LDLRAD4: variants seen among roughly 807,000 people sequenced by gnomAD.
LDLRAD4 encodes the protein low-density lipoprotein receptor class A domain-containing protein 4.
Under a neutral mutation model 17.0 loss-of-function variants are expected in LDLRAD4, and 5 were observed. The ratio of observed to expected loss-of-function variants is 0.29; its 90% CI spans 0.15 to 0.62. The LOEUF (loss-of-function observed/expected upper bound fraction) is 0.62. Among genes scored for constraint, LDLRAD4 ranks in the 20% least tolerant of loss-of-function variants. The pLI, the probability that LDLRAD4 is intolerant of heterozygous loss-of-function variation, is 0.84. For synonymous variants in LDLRAD4, 168 were observed against 171.8 expected (o/e 0.98, Z 0.17); for missense variants, 340 against 424.7 (o/e 0.80, Z 1.75).
At chr18:13,504,519 G>A (rs57535100) in intron 3 of LDLRAD4, among the ~76,000 whole-genome samples, 4,617 of 152,192 alleles carry the variant, frequency 0.03, 223 homozygotes, top group African/African-American at 0.1. Flanking sequence ...CCTCTGCGTC[G>A]GGGGTTCAAG....
chr18:13,540,614 T>C (rs969070998), intron 3 of LDLRAD4, among the ~76,000 whole-genome samples: 1 of 152,176 alleles, frequency 6.6e-6, no homozygotes, highest in African/African-American at 2.4e-5. Context: ...AGTGGTTATT[T>C]ATTAGTCTGC....
intron 1 of LDLRAD4, among the ~76,000 whole-genome samples, chr18:13,284,081 T>C (rs1469281507): frequency 1.3e-5 from 2 of 152,138 alleles, no homozygotes; most frequent in African/African-American, 4.8e-5. Context: ...CAATTCAAGT[T>C]GAGATTTGGG....
chr18:13,633,685 G>A (rs1341783633), intron 4 of LDLRAD4, among the ~76,000 whole-genome samples: 2 of 152,224 alleles, frequency 1.3e-5, no homozygotes, highest in African/African-American at 4.8e-5. Flanking sequence ...CTCCAAAATT[G>A]GAGCAGGCAG....
intron 1 of LDLRAD4, among the ~76,000 whole-genome samples, chr18:13,323,007 T>A (rs1012193588): frequency 4.6e-5 from 7 of 152,192 alleles, no homozygotes; most frequent in Non-Finnish European, 8.8e-5. Context: ...TTTGACTCAA[T>A]TTTCTTTTTC....
chr18:13,594,570 G>A (rs1357307120), intron 3 of LDLRAD4, among the ~76,000 whole-genome samples: 1 of 148,696 alleles, frequency 6.7e-6, no homozygotes, highest in Non-Finnish European at 1.5e-5. Flanking sequence ...GGTGGCTGAG[G>A]CACAAGAGTC....
At chr18:13,413,049 A>G (rs1419251041) in intron 2 of LDLRAD4, among the ~76,000 whole-genome samples, 1 of 152,190 alleles carries the variant, frequency 6.6e-6, no homozygotes, top group Non-Finnish European at 1.5e-5. Flanking sequence ...TGCAGGCAAC[A>G]GCCACCACCA....
At chr18:13,632,383 A>G (rs2148898652) in intron 4 of LDLRAD4, among the ~76,000 whole-genome samples, 1 of 152,378 alleles carries the variant, frequency 6.6e-6, no homozygotes, top group East Asian at 1.9e-4. Flanking sequence ...CACTGTGCAC[A>G]GCCAGGTGCG....
At chr18:13,565,974 G>T (rs571384816) in intron 3 of LDLRAD4, among the ~76,000 whole-genome samples, 1 of 152,174 alleles carries the variant, frequency 6.6e-6, no homozygotes, top group Non-Finnish European at 1.5e-5. Flanking sequence ...TCCAAGGCAC[G>T]CCATTCGTCC....
intron 3 of LDLRAD4, chr18:13,491,466 CTGAG>C (rs1415266246): frequency 6.6e-6 from 1 of 152,148 alleles, no homozygotes; most frequent in Non-Finnish European, 1.5e-5. Context: ...ATACTTGAAA[CTGAG>C]TGAGAATAAG....
intron 1 of LDLRAD4, among the ~76,000 whole-genome samples, chr18:13,317,860 C>T (rs2081011607): frequency 6.6e-6 from 1 of 152,146 alleles, no homozygotes; most frequent in Non-Finnish European, 1.5e-5. Flanking sequence ...ACGTTTGTTA[C>T]TCCTATAATA....
chr18:13,513,291 G>A (rs985364707), intron 3 of LDLRAD4, among the ~76,000 whole-genome samples: 5 of 152,158 alleles, frequency 3.3e-5, no homozygotes, highest in Admixed American at 1.3e-4. Context: ...GCCTAGTAAC[G>A]GTTTCTGTAA....
chr18:13,273,393 T>A (rs946949911), upstream of LDLRAD4, among the ~76,000 whole-genome samples: 3 of 152,194 alleles, frequency 2.0e-5, no homozygotes, highest in Non-Finnish European at 2.9e-5. Context: ...CTCAAACTCC[T>A]GGGCTCAAGA....
upstream of LDLRAD4, among the ~76,000 whole-genome samples, chr18:13,277,105 G>A (rs1348440610): frequency 6.6e-6 from 1 of 152,170 alleles, no homozygotes; most frequent in Non-Finnish European, 1.5e-5. Flanking sequence ...GTAGAGCTCC[G>A]CAGGAATCTC....
intron 3 of LDLRAD4, among the ~76,000 whole-genome samples, chr18:13,605,156 CTGAAAGACTTCT>C (rs1013209961): frequency 6.6e-6 from 1 of 152,206 alleles, no homozygotes; most frequent in Non-Finnish European, 1.5e-5. Flanking sequence ...TCCAGAAATC[CTGAAAGACTTCT>C]TGAGTTTTTA....
At chr18:13,554,542 C>CGA (rs2148122170) in intron 3 of LDLRAD4, among the ~76,000 whole-genome samples, 1 of 152,112 alleles carries the variant, frequency 6.6e-6, no homozygotes, top group South Asian at 2.1e-4. Context: ...TCAGCATCTA[C>CGA]CCCTGGCTCT....
In LDLRAD4 at chr18:13,289,257, A is replaced by T. The variant is rs537206814; in HGVS notation, c.-383+11069A>T. Among the ~76,000 whole-genome samples, 4 of 152,328 alleles carry T rather than the reference A, an allele frequency of 2.6e-5. No homozygotes were observed. In the South Asian group the frequency reaches 8.3e-4, roughly 32 times the overall value. On this transcript the variant is annotated intron_variant, in intron 1 of 5. Transcript: ENST00000359446. ...ACGCATAATGGTTTAGTTCCTAGGG[A>T]CTTAAATCACATCATATTCACTTTC...
chr18:13,437,816 C>T (rs765637039), intron 2 of LDLRAD4, among the ~76,000 whole-genome samples: 1 of 152,190 alleles, frequency 6.6e-6, no homozygotes, highest in Non-Finnish European at 1.5e-5. Flanking sequence ...AGCCAGCGCT[C>T]CTGAGTTCTG....
intron 2 of LDLRAD4, among the ~76,000 whole-genome samples, chr18:13,421,965 C>T (rs9675540): frequency 0.042 from 6,370 of 152,320 alleles, 467 homozygotes; most frequent in African/African-American, 0.14. Flanking sequence ...TAGTCTCCTA[C>T]TGAAGGGCTA....
intron 2 of LDLRAD4, 22 bp downstream of exon 3, chr18:13,387,784 C>A: frequency 6.2e-7 from 1 of 1,610,966 alleles, no homozygotes; most frequent in Non-Finnish European, 8.5e-7. Flanking sequence ...CCAGGTAATC[C>A]GAGGCTTTGC....
Sources: gnomAD v4.1 joint callset for allele counts (sites outside exome capture counted in the v4.1 genomes callset) on GRCh38, gnomAD v4.1.1 for gene constraint, MANE v1.5 for transcripts, NCBI Gene and HGNC (gene_info 2026-07-23, HGNC 2026-07-21) for gene names.